Variants in RP1 observed in about 807,000 individuals in gnomAD.
The protein encoded by RP1 is RP1 axonemal microtubule associated, also known as oxygen-regulated protein 1.
Under a neutral mutation model 14.8 loss-of-function variants are expected in RP1, and 16 were observed. That is an observed-to-expected ratio of 1.08 (90% CI 0.73 to 1.65). RP1 has a LOEUF of 1.65. RP1 is among the 40% of genes most tolerant of loss of function. RP1 has a pLI of 0.00. For missense variants in RP1, 2,631 were observed against 2,535.0 expected (o/e 1.04, Z -0.81); for synonymous variants, 876 against 883.6 (o/e 0.99, Z 0.15).
chr8:54,701,069 A>G (rs893762954), intron 13 of RP1, among the ~76,000 whole-genome samples: 4 of 152,198 alleles, frequency 2.6e-5, no homozygotes, highest in African/African-American at 9.6e-5. Flanking sequence ...GTCTCAATGT[A>G]GCATAACCTT....
chr8:54,663,841 A>C, exon 7 of RP1: 1 of 1,526,348 alleles, frequency 6.6e-7, no homozygotes, highest in Middle Eastern at 1.7e-4. Flanking sequence ...TCAATTTTTT[A>C]AGAGGACAAG....
chr8:54,608,009 C>T (rs1258624162), intron 1 of RP1, among the ~76,000 whole-genome samples: 1 of 151,992 alleles, frequency 6.6e-6, no homozygotes, highest in African/African-American at 2.4e-5. Flanking sequence ...GGCGATGCCT[C>T]ACCCTGCTTC....
intron 1 of RP1, among the ~76,000 whole-genome samples, chr8:54,586,135 C>T (rs1165915644): frequency 6.6e-6 from 1 of 152,126 alleles, no homozygotes; most frequent in Non-Finnish European, 1.5e-5. Context: ...GTTTTATCTA[C>T]CTTGGGTCTT....
chr8:54,685,653 A>G (rs1011911278), intron 12 of RP1, among the ~76,000 whole-genome samples: 1 of 152,140 alleles, frequency 6.6e-6, no homozygotes, highest in African/African-American at 2.4e-5. Context: ...AACTTTCTTA[A>G]AACATGATGA....
chr8:54,815,914 A>T (rs920967482), intron 24 of RP1, among the ~76,000 whole-genome samples: 2 of 152,186 alleles, frequency 1.3e-5, no homozygotes, highest in East Asian at 3.8e-4. Context: ...GAGTGGTATT[A>T]TTACTTCAGA....
At chr8:54,790,439 G>A (rs895127669) in intron 24 of RP1, among the ~76,000 whole-genome samples, 13 of 152,106 alleles carry the variant, frequency 8.5e-5, no homozygotes, top group East Asian at 1.9e-4. Flanking sequence ...CAAAGAAGTT[G>A]TGGTAACATG....
intron 24 of RP1, among the ~76,000 whole-genome samples, chr8:54,786,926 A>G (rs929508770): frequency 4.6e-5 from 7 of 152,138 alleles, no homozygotes; most frequent in African/African-American, 1.4e-4. Flanking sequence ...CTCTTGAGAC[A>G]TTGGCTATCT....
chr8:54,782,938 C>T (rs1318350712), intron 23 of RP1, among the ~76,000 whole-genome samples: 2 of 151,966 alleles, frequency 1.3e-5, no homozygotes, highest in Non-Finnish European at 2.9e-5. Flanking sequence ...TTTTCTTCAT[C>T]CTCCCTCCCC....
At chr8:54,825,475 A>G (rs1022125963) in intron 24 of RP1, among the ~76,000 whole-genome samples, 6 of 152,238 alleles carry the variant, frequency 3.9e-5, no homozygotes, top group African/African-American at 4.8e-5. Context: ...ATTGGGCTTC[A>G]TCAGAATTAA....
At chr8:54,683,100 G>C (rs1211976558) in intron 12 of RP1, among the ~76,000 whole-genome samples, 1 of 152,152 alleles carries the variant, frequency 6.6e-6, no homozygotes, top group Non-Finnish European at 1.5e-5. Context: ...TCAAAGATCA[G>C]ATGGCTGTAG....
At chr8:54,854,570 G>A (rs778928661) in intron 26 of RP1, among the ~76,000 whole-genome samples, 1 of 152,158 alleles carries the variant, frequency 6.6e-6, no homozygotes, top group Non-Finnish European at 1.5e-5. Context: ...GACTTTAAAA[G>A]TGTTTAATTG....
At chr8:54,727,681 T>C (rs1299192659) in intron 17 of RP1, among the ~76,000 whole-genome samples, 1 of 152,106 alleles carries the variant, frequency 6.6e-6, no homozygotes, top group African/African-American at 2.4e-5. Context: ...TTTCATTTAA[T>C]TCAACATTAA....
At chr8:54,670,646 A>G (rs1186613851) in intron 7 of RP1, among the ~76,000 whole-genome samples, 2 of 115,134 alleles carry the variant, frequency 1.7e-5, no homozygotes, top group East Asian at 2.5e-4. Context: ...AGGTGCACAT[A>G]TATTTATGAA....
At chr8:54,581,478 G>T (rs2129296823) in intron 1 of RP1, among the ~76,000 whole-genome samples, 2 of 152,302 alleles carry the variant, frequency 1.3e-5, no homozygotes, top group Middle Eastern at 3.4e-3. Flanking sequence ...GTGTGCATGT[G>T]TCTTTATAGC....
downstream of RP1, among the ~76,000 whole-genome samples, chr8:54,770,384 C>G (rs533672687): frequency 2.4e-4 from 37 of 151,736 alleles, no homozygotes; most frequent in Admixed American, 7.2e-4. Context: ...TAATGCTTCT[C>G]TTCAATAATT....
chr8:54,805,148 T>G (rs1399067782), intron 24 of RP1, among the ~76,000 whole-genome samples: 2 of 152,234 alleles, frequency 1.3e-5, no homozygotes, highest in African/African-American at 2.4e-5. Flanking sequence ...ATACTGAGAT[T>G]GCTTTAGATC....
chr8:54,583,737 A>G lies in RP1; in HGVS notation c.-13+24417A>G, dbSNP rs543361475. Among the ~76,000 whole-genome samples, 17 of 152,192 alleles carry G rather than the reference A, an allele frequency of 1.1e-4. No individual in the cohort carries two copies. In the East Asian group the frequency reaches 3.1e-3, roughly 28 times the overall value. On this transcript the variant is annotated intron_variant, in intron 1 of 22. Transcript: ENST00000636932. ...TCCTGGTTTAGTCTTGGGAGGGTGT[A>G]TGTGTTGAGGAATTTATCCATTTCT...
chr8:54,729,444 A>G (rs1808738542), intron 17 of RP1, among the ~76,000 whole-genome samples: 4 of 152,216 alleles, frequency 2.6e-5, no homozygotes, highest in African/African-American at 9.6e-5. Flanking sequence ...AAAAAAATCT[A>G]TTATTAAGTT....
At chr8:54,581,216 T>C (rs1804785205) in intron 1 of RP1, among the ~76,000 whole-genome samples, 1 of 151,168 alleles carries the variant, frequency 6.6e-6, no homozygotes, top group Non-Finnish European at 1.5e-5. Context: ...CCATGTATTC[T>C]CATTGTTCAA....
Sources: allele counts gnomAD v4.1 joint callset (sites outside exome capture counted in the v4.1 genomes callset), GRCh38; gene constraint gnomAD v4.1.1; transcripts MANE v1.5; gene names NCBI Gene and HGNC (gene_info 2026-07-23, HGNC 2026-07-21).